The following SMIM35 variants were observed in gnomAD, a reference collection of about 807,000 sequenced individuals.
The protein encoded by SMIM35 is TMPRSS4 antisense RNA 1 (non-protein coding).
chr11:118,077,905 T>G (rs1471058012), intron 1 of SMIM35, among the ~76,000 whole-genome samples: 2 of 148,914 alleles, frequency 1.3e-5, no homozygotes, highest in Non-Finnish European at 3.0e-5. Flanking sequence ...CCCAGCTACT[T>G]GGGAGGCTGA....
chr11:118,076,620 A>T (rs1190908887), intron 1 of SMIM35, among the ~76,000 whole-genome samples: 1 of 152,022 alleles, frequency 6.6e-6, no homozygotes, highest in Non-Finnish European at 1.5e-5. Flanking sequence ...CACTTCTGGG[A>T]TCCAGGGAAA....
At chr11:118,072,926 CGTT>C (rs572948809) in intron 1 of SMIM35, among the ~76,000 whole-genome samples, 329 of 152,290 alleles carry the variant, frequency 2.2e-3, no homozygotes, top group African/African-American at 6.7e-3. Flanking sequence ...CTTGTGTTGT[CGTT>C]GTTGTTTTTG....
intron 1 of SMIM35, among the ~76,000 whole-genome samples, chr11:118,024,151 A>G (rs972612602): frequency 6.6e-6 from 1 of 152,196 alleles, no homozygotes; most frequent in Non-Finnish European, 1.5e-5. Context: ...TTGATGAGAT[A>G]TGGCCAACAA....
At chr11:118,022,831 A>T (rs1453466121) in intron 1 of SMIM35, among the ~76,000 whole-genome samples, 1 of 151,840 alleles carries the variant, frequency 6.6e-6, no homozygotes, top group Non-Finnish European at 1.5e-5. Flanking sequence ...AGACTAGAAA[A>T]ACTCGTAATT....
At chr11:118,025,430 C>T (rs2135044513) in intron 1 of SMIM35, 2 of 444,434 alleles carry the variant, frequency 4.5e-6, no homozygotes, top group South Asian at 3.3e-5. Context: ...CGTTCCCTTT[C>T]CTCTGCAGCC....
intron 1 of SMIM35, among the ~76,000 whole-genome samples, chr11:118,056,046 T>C (rs1360072008): frequency 1.3e-5 from 2 of 151,788 alleles, no homozygotes; most frequent in Admixed American, 1.3e-4. Flanking sequence ...AGGCTGAAGG[T>C]GGACAGGTAG....
At chr11:118,030,185 T>C (rs1036343163) in intron 1 of SMIM35, among the ~76,000 whole-genome samples, 15 of 152,068 alleles carry the variant, frequency 9.9e-5, no homozygotes, top group Middle Eastern at 3.4e-3. Flanking sequence ...CAGGCATGCA[T>C]CACCACACCC....
chr11:118,013,156 C>A (rs1018882096), intron 4 of SMIM35, among the ~76,000 whole-genome samples: 2 of 152,208 alleles, frequency 1.3e-5, no homozygotes, highest in Non-Finnish European at 2.9e-5. Context: ...AGGAGACCCC[C>A]TCATTCTCCA....
intron 1 of SMIM35, among the ~76,000 whole-genome samples, chr11:118,027,217 C>T (rs1354398349): frequency 4.0e-4 from 59 of 146,592 alleles, no homozygotes; most frequent in Non-Finnish European, 8.0e-4. Flanking sequence ...TCAGTAGAGA[C>T]GGGGTTTCAC....
chr11:118,007,360 G>C (rs1175429865), intron 4 of SMIM35, among the ~76,000 whole-genome samples: 1 of 152,150 alleles, frequency 6.6e-6, no homozygotes, highest in African/African-American at 2.4e-5. Context: ...GCGCTCACCA[G>C]CTACAAGGGG....
intron 1 of SMIM35, among the ~76,000 whole-genome samples, chr11:118,040,428 C>T (rs936312698): frequency 1.3e-5 from 2 of 152,154 alleles, no homozygotes; most frequent in Non-Finnish European, 2.9e-5. Flanking sequence ...TCAGCAAAAA[C>T]ATATAGGTCA....
chr11:118,066,722 T>C (rs1247789125), intron 1 of SMIM35, among the ~76,000 whole-genome samples: 1 of 151,950 alleles, frequency 6.6e-6, no homozygotes, highest in African/African-American at 2.4e-5. Flanking sequence ...TCCCAGCTAC[T>C]CAGGAGGCAA....
rs2058162674 is a variant in SMIM35, at chr11:118,013,860, AT to A, written c.178del (p.Met60TrpfsTer19). On this transcript the variant is annotated frameshift_variant, in exon 4 of 5. Transcript: ENST00000689828. LOFTEE classifies it high-confidence loss of function. ...ACCACTGATGGTGAAGGGTGGACCC[AT>A]CTCCAGATCCTTCAGGTTCCTGAAA... is the stretch of plus-strand genomic sequence containing the variant. Reference protein sequence around the residue: ...YQIRNLKDLEMGPPFTISGHI... With the variant: ...YQIRNLKDLEXGPPFTISGHI... 1 of 399,062 alleles carries A rather than the reference AT, an allele frequency of 2.5e-6. No homozygotes were observed. 24.7% of individuals were successfully genotyped at this position (399,062 alleles called of 1,614,324 possible). A position where few individuals can be genotyped will look rare whatever the true frequency, so the allele number is the denominator to read the frequency against.
intron 1 of SMIM35, among the ~76,000 whole-genome samples, chr11:118,017,872 A>T (rs932990458): frequency 4.6e-5 from 7 of 152,180 alleles, no homozygotes; most frequent in Admixed American, 6.5e-5. Flanking sequence ...TTATTAAACC[A>T]TCAAATCTCA....
chr11:118,062,357 G>C (rs1305587728), intron 1 of SMIM35, among the ~76,000 whole-genome samples: 5 of 152,194 alleles, frequency 3.3e-5, no homozygotes, highest in Non-Finnish European at 5.9e-5. Flanking sequence ...AGTGGGTCAA[G>C]AGAGGCACCC....
At chr11:118,029,799 T>G (rs1426448757) in intron 1 of SMIM35, 3 of 456,970 alleles carry the variant, frequency 6.6e-6, no homozygotes, top group Non-Finnish European at 1.3e-5. Context: ...AGGCTCTATG[T>G]TTTGATACTT....
Position 118,057,142 on chromosome 11 carries a change from C to T in SMIM35, c.7+29609G>A, listed in dbSNP as rs980358525. Among the ~76,000 whole-genome samples, 73 of 152,228 alleles carry T rather than the reference C, an allele frequency of 4.8e-4. 1 individual carries two copies. The highest frequency in any genetic ancestry group is 1.6e-3 in the African/African-American group (65 of 41,536). ...GCATAGCTACCTGCTGGAGAAAGGG[C>T]GACACTGAAGGCGCAGAAGGAACTG... On this transcript the variant is annotated intron_variant, in intron 1 of 4. Coordinates refer to ENST00000689828, the MANE Select transcript of SMIM35 (RefSeq NM_001394165.1).
At chr11:118,083,236 C>T (rs914860060) in intron 1 of SMIM35, among the ~76,000 whole-genome samples, 2 of 152,240 alleles carry the variant, frequency 1.3e-5, no homozygotes, top group African/African-American at 4.8e-5. Context: ...CTTTCTGTAA[C>T]TTCCCCCGTT....
At chr11:118,065,239 G>A (rs983347817) in intron 1 of SMIM35, among the ~76,000 whole-genome samples, 19 of 152,210 alleles carry the variant, frequency 1.2e-4, no homozygotes, top group African/African-American at 2.4e-5. Flanking sequence ...GACACTCCCA[G>A]CCTAATCTGG....
Sources: allele counts gnomAD v4.1 joint callset (sites outside exome capture counted in the v4.1 genomes callset), GRCh38; gene constraint gnomAD v4.1.1; transcripts MANE v1.5; gene names NCBI Gene and HGNC (gene_info 2026-07-23, HGNC 2026-07-21).